The following PPP2R5E variants were observed in gnomAD, a reference collection of about 807,000 sequenced individuals.
The protein encoded by PPP2R5E is protein phosphatase 2 regulatory subunit B'epsilon.
Under a neutral mutation model 65.3 loss-of-function variants are expected in PPP2R5E, and 4 were observed. The observed-to-expected ratio is 0.06, with a 90% CI of 0.03 to 0.14. The LOEUF (loss-of-function observed/expected upper bound fraction) is 0.14. Among genes scored for constraint, PPP2R5E ranks in the 10% least tolerant of loss-of-function variants. The pLI, the probability that PPP2R5E is intolerant of heterozygous loss-of-function variation, is 1.00. For missense variants in PPP2R5E, 274 were observed against 556.1 expected (o/e 0.49, Z 5.10); for synonymous variants, 183 against 187.4 (o/e 0.98, Z 0.19).
chr14:63,459,839 T>G (rs1186348547), intron 2 of PPP2R5E, among the ~76,000 whole-genome samples: 1 of 152,196 alleles, frequency 6.6e-6, no homozygotes, highest in Non-Finnish European at 1.5e-5. Flanking sequence ...CTCTCCATTA[T>G]TTAAAGCTAG....
chr14:63,443,365 T>G (rs1472589654), intron 3 of PPP2R5E, among the ~76,000 whole-genome samples: 2 of 152,180 alleles, frequency 1.3e-5, no homozygotes, highest in African/African-American at 4.8e-5. Context: ...AGCCAAGTCC[T>G]AGAGACAAAA....
intron 2 of PPP2R5E, among the ~76,000 whole-genome samples, chr14:63,494,535 G>A (rs1246009844): frequency 6.8e-6 from 1 of 146,802 alleles, no homozygotes; most frequent in Non-Finnish European, 1.5e-5. Flanking sequence ...GCGCCCGGCT[G>A]TACAGCCATT....
intron 2 of PPP2R5E, among the ~76,000 whole-genome samples, chr14:63,530,430 A>G (rs1893373779): frequency 6.6e-6 from 1 of 151,652 alleles, no homozygotes; most frequent in East Asian, 1.9e-4. Context: ...ACGAGGTTTC[A>G]CAATGTTGGC....
chr14:63,482,608 A>G (rs1452504746), intron 2 of PPP2R5E, among the ~76,000 whole-genome samples: 1 of 152,226 alleles, frequency 6.6e-6, no homozygotes, highest in Non-Finnish European at 1.5e-5. Flanking sequence ...GGGGAGTAAT[A>G]TGAGAAGGCA....
intron 10 of PPP2R5E, among the ~76,000 whole-genome samples, chr14:63,391,394 A>AGTTTT (rs150324955): frequency 0.067 from 9,981 of 149,034 alleles, 965 homozygotes; most frequent in African/African-American, 0.21. Context: ...GAGATGATGC[A>AGTTTT]GTTTTGCTTT....
intron 5 of PPP2R5E, among the ~76,000 whole-genome samples, chr14:63,397,155 G>A (rs1297260325): frequency 8.5e-5 from 13 of 152,164 alleles, no homozygotes; most frequent in Non-Finnish European, 1.9e-4. Flanking sequence ...GAGGCCAAAA[G>A]TCCGTAGCTC....
chr14:63,406,197 G>C (rs1249004865), intron 5 of PPP2R5E, among the ~76,000 whole-genome samples: 2 of 152,082 alleles, frequency 1.3e-5, no homozygotes, highest in Non-Finnish European at 2.9e-5. Flanking sequence ...AGATCACGAG[G>C]TCAGGAGTTC....
intron 2 of PPP2R5E, among the ~76,000 whole-genome samples, chr14:63,520,945 A>G (rs1259054916): frequency 6.6e-6 from 1 of 151,468 alleles, no homozygotes; most frequent in Non-Finnish European, 1.5e-5. Context: ...AGGCTGAGAC[A>G]GGAGAATGGC....
intron 2 of PPP2R5E, among the ~76,000 whole-genome samples, chr14:63,522,958 G>T (rs1224292379): frequency 3.2e-4 from 46 of 145,910 alleles, no homozygotes; most frequent in African/African-American, 1.1e-3. Flanking sequence ...GGAGGGAGGT[G>T]GGGGGGTCAG....
Position 63,515,033 on chromosome 14 carries a change from G to A in PPP2R5E, c.157+24496C>T, listed in dbSNP as rs186531115. 1.0e-3 allele frequency among the ~76,000 whole-genome samples: 153 copies of A among 152,164 alleles called. 1 individual carries two copies. The Middle Eastern group carries it at 0.041, about 41-fold the overall frequency. ...CCTGCTGAACATGCAATATCTCTGTGTCTTTATCTTCAGTCTCCCTAGCTT... is the reference window on the plus strand; with the variant it reads ...CCTGCTGAACATGCAATATCTCTGTATCTTTATCTTCAGTCTCCCTAGCTT... On this transcript the variant is annotated intron_variant, in intron 2 of 13. Coordinates refer to ENST00000337537, the MANE Select transcript of PPP2R5E (RefSeq NM_006246.5).
At chr14:63,443,358 C>T (rs1008151642) in intron 3 of PPP2R5E, among the ~76,000 whole-genome samples, 24 of 152,126 alleles carry the variant, frequency 1.6e-4, no homozygotes, top group African/African-American at 5.8e-4. Flanking sequence ...CAAGAAAAGC[C>T]AAGTCCTAGA....
chr14:63,429,690 T>G (rs559933269), intron 3 of PPP2R5E, among the ~76,000 whole-genome samples: 16 of 143,540 alleles, frequency 1.1e-4, no homozygotes, highest in South Asian at 4.3e-4. Context: ...TTGTTTTTTG[T>G]TTTTTTTTTT....
At chr14:63,472,085 G>A (rs1890162577) in intron 2 of PPP2R5E, among the ~76,000 whole-genome samples, 1 of 152,198 alleles carries the variant, frequency 6.6e-6, no homozygotes, top group Admixed American at 6.5e-5. Context: ...TGGATCACCT[G>A]AGTCAGATGT....
intron 11 of PPP2R5E, among the ~76,000 whole-genome samples, chr14:63,388,416 GGC>G (rs771256513): frequency 6.6e-6 from 1 of 152,106 alleles, no homozygotes; most frequent in Non-Finnish European, 1.5e-5. Flanking sequence ...TGGGATCACA[GGC>G]ATGAGCCACT....
chr14:63,404,001 TAGC>T (rs1885919107), intron 5 of PPP2R5E, among the ~76,000 whole-genome samples: 1 of 152,098 alleles, frequency 6.6e-6, no homozygotes, highest in African/African-American at 2.4e-5. Context: ...AGTTAAAAAA[TAGC>T]AGTATAAGCA....
At position 63,435,161 on chromosome 14, in the gene PPP2R5E, A is replaced by G. The variant is rs555039444; in HGVS notation, c.355-13067T>C. On this transcript the variant is annotated intron_variant, in intron 3 of 13. Coordinates refer to ENST00000337537, the MANE Select transcript of PPP2R5E (RefSeq NM_006246.5). The stretch of plus-strand genomic sequence containing the variant: ...AGATCTCATTTGGGGTGATGACTAT[A>G]CAAGTATATATAATTGCTAAATTCA... Among the ~76,000 whole-genome samples the G allele has an allele frequency of 6.6e-5, 10 of 152,360 alleles. No homozygotes were observed. In the East Asian group the frequency reaches 9.6e-4, roughly 15 times the overall value.
intron 2 of PPP2R5E, among the ~76,000 whole-genome samples, chr14:63,538,516 G>A (rs947860020): frequency 1.3e-5 from 2 of 151,380 alleles, no homozygotes; most frequent in East Asian, 4.0e-4. Context: ...GGCTCCCAAA[G>A]TGCTGGGATT....
chr14:63,523,757 A>T (rs1171519695), intron 2 of PPP2R5E, among the ~76,000 whole-genome samples: 11 of 152,080 alleles, frequency 7.2e-5, no homozygotes, highest in African/African-American at 2.4e-5. Context: ...AAAAAAAAAA[A>T]AATTAATTTG....
chr14:63,537,364 A>G lies in PPP2R5E; in HGVS notation c.157+2165T>C, dbSNP rs77767792. Among the ~76,000 whole-genome samples, 22 of 152,320 alleles carry G rather than the reference A, an allele frequency of 1.4e-4. No individual in the cohort carries two copies. In the East Asian group the frequency reaches 4.2e-3, roughly 29 times the overall value. On this transcript the variant is annotated intron_variant, in intron 2 of 13. Coordinates refer to ENST00000337537, the MANE Select transcript of PPP2R5E (RefSeq NM_006246.5). ...CCAGTGTCTCCCAACTTTGTATTTCAAGCATAGTTCAATCTACAGTGTTTC... is the reference window on the plus strand; with the variant it reads ...CCAGTGTCTCCCAACTTTGTATTTCGAGCATAGTTCAATCTACAGTGTTTC...
Sources: gnomAD v4.1 joint callset for allele counts (sites outside exome capture counted in the v4.1 genomes callset) on GRCh38, gnomAD v4.1.1 for gene constraint, MANE v1.5 for transcripts, NCBI Gene and HGNC (gene_info 2026-07-23, HGNC 2026-07-21) for gene names.